The following NEK7 variants were observed in gnomAD, a reference collection of about 807,000 sequenced individuals.
The protein encoded by NEK7 is NIMA related kinase 7.
NEK7 carries 18 observed loss-of-function variants against 44.6 expected under a neutral mutation model. The ratio of observed to expected loss-of-function variants is 0.40; its 90% CI spans 0.28 to 0.60. The LOEUF (loss-of-function observed/expected upper bound fraction) is 0.60, where lower values mean the gene tolerates loss of function less well. Among genes scored for constraint, NEK7 ranks in the 20% least tolerant of loss-of-function variants. NEK7 has a pLI of 0.38. For synonymous variants in NEK7, 130 were observed against 121.1 expected, an observed-to-expected ratio of 1.07 and a Z score of -0.48; for missense variants, 256 against 366.5, an observed-to-expected ratio of 0.70 and a Z score of 2.46.
At chr1:198,240,229 G>A (rs1666644846) in intron 2 of NEK7, among the ~76,000 whole-genome samples, 1 of 152,194 alleles carries the variant, frequency 6.6e-6, no homozygotes, top group Admixed American at 6.5e-5. Flanking sequence ...GTGCGTTTGA[G>A]TTGTCTTTAA....
At chr1:198,231,335 AT>A (rs1666392440) in intron 1 of NEK7, among the ~76,000 whole-genome samples, 7 of 141,232 alleles carry the variant, frequency 5.0e-5, no homozygotes, top group Non-Finnish European at 7.6e-5. Context: ...ATATATATAT[AT>A]AAAAACACAT....
intron 2 of NEK7, among the ~76,000 whole-genome samples, chr1:198,250,344 A>C (rs376900240): frequency 6.6e-6 from 1 of 151,698 alleles, no homozygotes; most frequent in South Asian, 2.1e-4. Flanking sequence ...TTTGGCTTAG[A>C]ATTGACTTGG....
At chr1:198,171,140 CA>C (rs747003987) in intron 1 of NEK7, among the ~76,000 whole-genome samples, 3 of 152,122 alleles carry the variant, frequency 2.0e-5, no homozygotes, top group Non-Finnish European at 2.9e-5. Context: ...ATTCATACTT[CA>C]GTGAGACTAC....
chr1:198,249,823 C>T (rs1652860166), intron 2 of NEK7, among the ~76,000 whole-genome samples: 1 of 107,366 alleles, frequency 9.3e-6, no homozygotes, highest in African/African-American at 5.2e-5. Context: ...AAAATTTTCT[C>T]CCATTTTGTA....
chr1:198,227,238 TG>T (rs1205333678), intron 1 of NEK7, among the ~76,000 whole-genome samples: 4 of 152,238 alleles, frequency 2.6e-5, no homozygotes, highest in Non-Finnish European at 5.9e-5. Context: ...ATGGTGTATA[TG>T]TGCCACATTT....
At chr1:198,165,086 A>G (rs769779408) in intron 1 of NEK7, among the ~76,000 whole-genome samples, 11 of 152,256 alleles carry the variant, frequency 7.2e-5, no homozygotes, top group Non-Finnish European at 1.3e-4. Context: ...GTAGCAATTC[A>G]GTTACATCTT....
At chr1:198,237,772 A>C (rs991599609) in intron 2 of NEK7, among the ~76,000 whole-genome samples, 2 of 151,970 alleles carry the variant, frequency 1.3e-5, no homozygotes, top group Non-Finnish European at 2.9e-5. Context: ...GTAGTTTCCC[A>C]TTGGCTTGCT....
intron 1 of NEK7, among the ~76,000 whole-genome samples, chr1:198,203,912 C>T (rs1348505267): frequency 6.6e-6 from 1 of 151,812 alleles, no homozygotes; most frequent in South Asian, 2.1e-4. Context: ...TTCATAGATC[C>T]TTTTTGGGAA....
chr1:198,229,405 A>T (rs1014398750), intron 1 of NEK7, among the ~76,000 whole-genome samples: 2 of 152,206 alleles, frequency 1.3e-5, no homozygotes, highest in Non-Finnish European at 2.9e-5. Flanking sequence ...CGCTCTGGCA[A>T]ATAAATCAAA....
intron 1 of NEK7, among the ~76,000 whole-genome samples, chr1:198,225,608 TC>T (rs142446570): frequency 0.013 from 1,991 of 152,318 alleles, 36 homozygotes; most frequent in African/African-American, 0.045. Flanking sequence ...ATAATTTTTT[TC>T]CATGAACTGA....
intron 1 of NEK7, among the ~76,000 whole-genome samples, chr1:198,181,250 T>C (rs938898905): frequency 1.3e-5 from 2 of 152,150 alleles, no homozygotes; most frequent in African/African-American, 4.8e-5. Flanking sequence ...GTGTTTTTGA[T>C]TTCAAATTAA....
At chr1:198,209,122 A>G (rs890722597) in intron 1 of NEK7, among the ~76,000 whole-genome samples, 1 of 146,060 alleles carries the variant, frequency 6.8e-6, no homozygotes, top group African/African-American at 2.5e-5. Flanking sequence ...TAATATACAC[A>G]TATATACACA....
chr1:198,201,220 A>G (rs1007191323), intron 1 of NEK7, among the ~76,000 whole-genome samples: 18 of 152,224 alleles, frequency 1.2e-4, no homozygotes, highest in African/African-American at 4.1e-4. Context: ...AATTTACTCC[A>G]TAGGTCATAC....
chr1:198,301,714 G>A (rs933021718), intron 9 of NEK7, among the ~76,000 whole-genome samples: 7 of 152,124 alleles, frequency 4.6e-5, no homozygotes, highest in East Asian at 1.9e-4. Context: ...AGAAAATTGA[G>A]TAAAGATAAA....
At chr1:198,253,221 C>G in intron 3 of NEK7, 41 bp downstream of exon 3, 2 of 1,346,580 alleles carry the variant, frequency 1.5e-6, no homozygotes, top group Non-Finnish European at 2.1e-6. Flanking sequence ...TAAAATTATA[C>G]TATGTGAATT....
At chr1:198,262,760 A>G (rs536529523) in intron 4 of NEK7, 123 bp downstream of exon 4, 75 of 470,100 alleles carry the variant, frequency 1.6e-4, no homozygotes, top group Non-Finnish European at 2.4e-4. Context: ...AAGTAATATT[A>G]TATAAGGTTA....
chr1:198,207,538 C>T (rs1257346074), intron 1 of NEK7, among the ~76,000 whole-genome samples: 1 of 152,112 alleles, frequency 6.6e-6, no homozygotes, highest in African/African-American at 2.4e-5. Context: ...TAAAAATGAA[C>T]AAACTGTGTA....
intron 2 of NEK7, among the ~76,000 whole-genome samples, chr1:198,243,529 A>G (rs543483506): frequency 2.0e-5 from 3 of 152,326 alleles, no homozygotes; most frequent in East Asian, 3.9e-4. Context: ...CTTGCTCATG[A>G]TAACATAGGA....
At chr1:198,180,763 C>A (rs1664740729) in intron 1 of NEK7, among the ~76,000 whole-genome samples, 1 of 152,024 alleles carries the variant, frequency 6.6e-6, no homozygotes, top group Non-Finnish European at 1.5e-5. Context: ...TTTGAGAAAA[C>A]AAATTCACAG....
Sources: gnomAD v4.1 joint callset for allele counts (sites outside exome capture counted in the v4.1 genomes callset) on GRCh38, gnomAD v4.1.1 for gene constraint, MANE v1.5 for transcripts, NCBI Gene and HGNC (gene_info 2026-07-23, HGNC 2026-07-21) for gene names.